RECK: variants seen among roughly 807,000 people sequenced by gnomAD.
The protein encoded by RECK is reversion inducing cysteine rich protein with kazal motifs.
A neutral mutation model predicts 115.1 loss-of-function variants in RECK; 69 were observed. The observed-to-expected ratio is 0.60, with a 90% CI of 0.49 to 0.73. The LOEUF (loss-of-function observed/expected upper bound fraction) is 0.73. RECK is among the 30% of genes least tolerant of loss of function. The pLI, the probability that RECK is intolerant of heterozygous loss-of-function variation, is 0.00. For synonymous variants in RECK, 414 were observed against 419.7 expected (o/e 0.99, Z 0.17); for missense variants, 1,047 against 1,203.7 (o/e 0.87, Z 1.93).
chr9:36,076,675 A>G (rs1305108756), intron 6 of RECK, among the ~76,000 whole-genome samples: 1 of 152,188 alleles, frequency 6.6e-6, no homozygotes, highest in Non-Finnish European at 1.5e-5. Context: ...GGAACTAGTT[A>G]TTGAGAGCAG....
chr9:36,078,659 A>AG (rs1185466741), intron 6 of RECK, among the ~76,000 whole-genome samples: 4 of 152,334 alleles, frequency 2.6e-5, no homozygotes, highest in Non-Finnish European at 5.9e-5. Context: ...AAAAATAACT[A>AG]GAAAAATATC....
At position 36,047,463 on chromosome 9, in the gene RECK, G is replaced by A. The variant is rs191861177; in HGVS notation, c.101-4802G>A. Among the ~76,000 whole-genome samples, 26 of 152,094 alleles carry A rather than the reference G, an allele frequency of 1.7e-4. No homozygotes were observed. In the East Asian group the frequency reaches 2.9e-3, roughly 17 times the overall value. ...ATCTCTACTAAAAATACAATTAGCC[G>A]GGCATGGTGGTGCATGCCTGTAATC... On this transcript the variant is annotated intron_variant, in intron 1 of 20. Coordinates refer to ENST00000377966, the MANE Select transcript of RECK (RefSeq NM_021111.3).
intron 10 of RECK, among the ~76,000 whole-genome samples, chr9:36,092,560 TTTTG>T (rs1823202088): frequency 6.9e-6 from 1 of 145,128 alleles, no homozygotes; most frequent in African/African-American, 2.7e-5. Flanking sequence ...TTTTTTTTTT[TTTTG>T]TATTTTTAGT....
intron 20 of RECK, among the ~76,000 whole-genome samples, chr9:36,122,254 G>C (rs1013992156): frequency 6.6e-6 from 1 of 152,216 alleles, no homozygotes. Context: ...AAGGCAAGCA[G>C]TCTGTGAATC....
chr9:36,046,594 A>G (rs890778821), intron 1 of RECK, among the ~76,000 whole-genome samples: 2 of 152,194 alleles, frequency 1.3e-5, no homozygotes, highest in Non-Finnish European at 1.5e-5. Context: ...ATATGCTGTT[A>G]CAGAAGAACA....
intron 10 of RECK, among the ~76,000 whole-genome samples, chr9:36,093,878 A>G (rs1644604944): frequency 6.6e-6 from 1 of 152,192 alleles, no homozygotes; most frequent in Non-Finnish European, 1.5e-5. Context: ...CACTTTACAT[A>G]TGATGGAATA....
intron 10 of RECK, among the ~76,000 whole-genome samples, chr9:36,099,167 A>G (rs534507085): frequency 2.2e-4 from 33 of 152,170 alleles, no homozygotes; most frequent in Non-Finnish European, 4.4e-4. Flanking sequence ...TCGAGGCTGC[A>G]GTGAGCTGTG....
intron 10 of RECK, among the ~76,000 whole-genome samples, chr9:36,098,239 A>AT (rs1369171716): frequency 6.6e-6 from 1 of 152,240 alleles, no homozygotes; most frequent in Non-Finnish European, 1.5e-5. Context: ...AAAAAATTAT[A>AT]AGTATGTGAG....
chr9:36,051,008 A>G (rs972240323), intron 1 of RECK, among the ~76,000 whole-genome samples: 4 of 151,232 alleles, frequency 2.6e-5, no homozygotes, highest in African/African-American at 9.8e-5. Context: ...CTCTGTCTCC[A>G]TATATATATA....
chr9:36,079,586 T>C (rs544938737), intron 6 of RECK, among the ~76,000 whole-genome samples: 1 of 152,356 alleles, frequency 6.6e-6, no homozygotes, highest in South Asian at 2.1e-4. Context: ...AGAGGGATCT[T>C]TGAAGCTAGG....
rs1456853625 is a variant in RECK, at chr9:36,105,249, T to G, written c.1542T>G (p.Ser514=). Residue 514 remains serine (S), a synonymous_variant, in exon 13 of 21, where the codon TCT becomes TCG. Coordinates refer to ENST00000377966, the MANE Select transcript of RECK (RefSeq NM_021111.3). ...LCEVNRKGCP[S]GDPCLPYFCV... is the part of the protein sequence containing the mutation. ...AAGTAAACCGAAAAGGATGTCCATC[T>G]GGAGATCCCTGTCTTCCATACTTTT... The G allele has an allele frequency of 6.2e-7, 1 of 1,614,144 alleles. No individual in the cohort carries two copies. The highest frequency in any genetic ancestry group is 8.5e-7 in the Non-Finnish European group (1 of 1,179,992).
chr9:36,093,216 G>A (rs1823225682), intron 10 of RECK, among the ~76,000 whole-genome samples: 1 of 152,176 alleles, frequency 6.6e-6, no homozygotes, highest in African/African-American at 2.4e-5. Flanking sequence ...CTGCCTGCTG[G>A]TGTGAAAACA....
intron 13 of RECK, among the ~76,000 whole-genome samples, chr9:36,106,532 C>T (rs1299487907): frequency 1.3e-5 from 2 of 151,300 alleles, no homozygotes; most frequent in African/African-American, 4.9e-5. Flanking sequence ...GCCACTGCGC[C>T]CGGCCTTAAA....
intron 1 of RECK, among the ~76,000 whole-genome samples, chr9:36,043,775 T>TG (rs1820974606): frequency 6.6e-6 from 1 of 152,230 alleles, no homozygotes; most frequent in African/African-American, 2.4e-5. Context: ...TTGAGTAGGA[T>TG]GCCCTTTCCC....
Position 36,118,780 on chromosome 9 carries a change from C to T in RECK, c.2277C>T (p.Pro759=), listed in dbSNP as rs1367018993. The T allele has an allele frequency of 1.5e-5, 24 of 1,614,048 alleles. 1 individual carries two copies. Among genetic ancestry groups the T allele is most frequent in the African/African-American group, 8.0e-5 (6 of 75,044 alleles). The change falls in exon 18 of 21, where the codon CCC becomes CCT. Residue 759 remains proline (P), a synonymous_variant. Transcript: ENST00000377966. The part of the protein sequence containing the change: ...PCQPFCRATE[P]VCGHNGETYS... ...AGCCCTTTTGCAGAGCAACCGAGCC[C>T]GTATGTGGGCACAATGGTGAGACCT...
chr9:36,112,671 A>C (rs1426362837), intron 16 of RECK, among the ~76,000 whole-genome samples, 195 bp downstream of exon 16: 1 of 152,216 alleles, frequency 6.6e-6, no homozygotes, highest in Non-Finnish European at 1.5e-5. Context: ...GAAGTAGGGC[A>C]GTTAATGCAG....
chr9:36,076,098 G>A (rs1234937890), intron 6 of RECK, among the ~76,000 whole-genome samples: 1 of 152,156 alleles, frequency 6.6e-6, no homozygotes, highest in East Asian at 1.9e-4. Flanking sequence ...CCAGATATAC[G>A]TAGCAAGCAA....
chr9:36,066,962 C>A, intron 6 of RECK: 1 of 788,900 alleles, frequency 1.3e-6, no homozygotes. Context: ...AATTAAGCAA[C>A]CATTTTCCAA....
chr9:36,122,992 C>G lies in RECK; in HGVS notation c.2863C>G (p.Leu955Val). ...GGCCAGGCCTTCTTGCCACTCCCTC[C>G]TCCTTCCCCTCAGCTTGGGCCTTGC... ...VRARPSCHSL[L>V]LPLSLGLALH... Residue 955 changes from leucine (L) to valine (V), a missense_variant, in exon 21 of 21, where the codon CTC becomes GTC. Physicochemically the swap from Leu to Val is conservative, Grantham distance 32. Transcript: ENST00000377966. The G allele has an allele frequency of 6.8e-6, 11 of 1,614,148 alleles. No homozygotes were observed. The highest frequency in any genetic ancestry group is 9.3e-6 in the Non-Finnish European group (11 of 1,180,038).
Sources: gnomAD v4.1 joint callset for allele counts (sites outside exome capture counted in the v4.1 genomes callset) on GRCh38, gnomAD v4.1.1 for gene constraint, MANE v1.5 for transcripts, NCBI Gene and HGNC (gene_info 2026-07-23, HGNC 2026-07-21) for gene names.